The following GGT5 variants were observed in gnomAD, a reference collection of about 807,000 sequenced individuals.
GGT5 encodes glutathione hydrolase 5 proenzyme.
In GGT5, 50 loss-of-function variants were observed where a neutral mutation model predicts 58.1. That is an observed-to-expected ratio of 0.86 (90% CI 0.69 to 1.09). The LOEUF is 1.09. GGT5 is among the 50% of genes least tolerant of loss of function. The pLI is 0.00. For synonymous variants in GGT5, 370 were observed against 346.1 expected (o/e 1.07, Z -0.77); for missense variants, 800 against 789.4 (o/e 1.01, Z -0.16).
intron 11 of GGT5, among the ~76,000 whole-genome samples, chr22:24,222,343 C>T (rs767186495): frequency 6.6e-6 from 1 of 152,134 alleles, no homozygotes; most frequent in Non-Finnish European, 1.5e-5. Context: ...GAGCCCTGCA[C>T]GTTTGGCTAT....
At position 24,226,678 on chromosome 22, in the gene GGT5, C is replaced by T. The variant is rs1229676758; in HGVS notation, c.991G>A (p.Gly331Arg). The T allele has an allele frequency of 6.2e-7, 1 of 1,614,122 alleles. No homozygotes were observed. The highest frequency in any genetic ancestry group is 8.5e-7 in the Non-Finnish European group (1 of 1,179,964). Residue 331 changes from glycine to arginine, a missense_variant, in exon 7 of 12, where the codon GGG (glycine) becomes AGG (arginine). Transcript: ENST00000327365. Reference sequence around the variant, plus strand: ...GGGTCCCCCAGCCTCCACCTCTGCCCCTTGGCAAACTTGAGCGTCTCTACA... The same window carrying T: ...GGGTCCCCCAGCCTCCACCTCTGCCTCTTGGCAAACTTGAGCGTCTCTACA... ...HLVETLKFAK[G>R]QRWRLGDPRS... is the part of the protein sequence containing the mutation.
chr22:24,244,141 C>T (rs1228152531), intron 1 of GGT5: 3 of 176,944 alleles, frequency 1.7e-5, no homozygotes, highest in Non-Finnish European at 2.4e-5. Context: ...CGTGGACTCA[C>T]ACACCACCAT....
In GGT5 at chr22:24,244,607, G is replaced by T. The variant is rs2048422673; in HGVS notation, c.119C>A (p.Ala40Asp). The change falls in exon 1 of 12, where the codon GCC (alanine) becomes GAC (aspartate). Residue 40 changes from alanine (A) to aspartate (D), a missense_variant. By Grantham distance (126) the Ala-to-Asp change is moderately radical. Transcript: ENST00000327365. ...GGCGGCAACAGCAGCGTGGGCAAAG[G>T]CCTGGGGGCCACATGGGGCCTGGTG... Reference protein sequence around the residue: ...SRHQAPCGPQAFAHAAVAADS... With the variant: ...SRHQAPCGPQDFAHAAVAADS... The T allele has an allele frequency of 2.5e-6, 4 of 1,612,738 alleles. No individual in the cohort carries two copies. Among genetic ancestry groups the T allele is most frequent in the Non-Finnish European group, 3.4e-6 (4 of 1,179,888 alleles).
In GGT5 at chr22:24,225,197, G is replaced by A; in HGVS notation, c.1503+48C>T. On this transcript the variant is annotated intron_variant, in intron 10 of 11. Coordinates refer to ENST00000327365, the MANE Select transcript of GGT5 (RefSeq NM_004121.5). ...TCCCCACTCCAGAGACAGTCAGACA[G>A]TATGCTGCCCAGAGAGGAGACACTC... 4 of 1,598,146 alleles carry A rather than the reference G, an allele frequency of 2.5e-6. No homozygotes were observed. The South Asian group carries it at 4.4e-5, about 18-fold the overall frequency.
At chr22:24,232,021 G>A in intron 5 of GGT5, 30 bp downstream of exon 5, 2 of 1,594,192 alleles carry the variant, frequency 1.3e-6, no homozygotes, top group Non-Finnish European at 1.7e-6. Flanking sequence ...CTCCAGCAGG[G>A]ATGGGGTATG....
chr22:24,220,772 C>A, intron 11 of GGT5: 1 of 431,738 alleles, frequency 2.3e-6, no homozygotes, highest in South Asian at 1.6e-5. Flanking sequence ...TGGCTCACAC[C>A]TGTAATCCCA....
chr22:24,223,059 C>T (rs1183272774), intron 11 of GGT5, among the ~76,000 whole-genome samples: 1 of 150,440 alleles, frequency 6.6e-6, no homozygotes, highest in Non-Finnish European at 1.5e-5. Context: ...CACTGCACGC[C>T]AGCCTGGGCA....
chr22:24,233,622 C>T (rs752800716), intron 2 of GGT5, 29 bp from the exon 3 acceptor site: 24 of 1,379,534 alleles, frequency 1.7e-5, no homozygotes, highest in African/African-American at 7.1e-5. Context: ...GGTGAGTGGT[C>T]ATGGACCCTG....
intron 11 of GGT5, 69 bp downstream of exon 11, chr22:24,224,927 T>A (rs2047703138): frequency 1.0e-6 from 1 of 977,356 alleles, no homozygotes; most frequent in African/African-American, 1.6e-5. Context: ...TCCTCCCAGG[T>A]GGCTTTGAGC....
At position 24,244,939 on chromosome 22, in the gene GGT5, T is replaced by C; in HGVS notation, c.-214A>G. 1.2e-6 allele frequency: 1 copy of C among 809,404 alleles called. No homozygotes were observed. The highest frequency in any genetic ancestry group is 1.9e-6 in the Non-Finnish European group (1 of 533,336). The allele number at this position is 809,404 out of a possible 1,614,324, so 50.1% of individuals were successfully genotyped here. A position where few individuals can be genotyped will look rare whatever the true frequency, so the allele number is the denominator to read the frequency against. ...AAGAGAAAGATGGTCAGATAGACAA[T>C]GGGACAGAGATGGGCTTACAGATGG... On this transcript the variant is annotated 5_prime_UTR_variant, in exon 1 of 12. Coordinates refer to ENST00000327365, the MANE Select transcript of GGT5 (RefSeq NM_004121.5).
At chr22:24,239,090 A>C (rs866619977) in intron 1 of GGT5, among the ~76,000 whole-genome samples, 1 of 147,406 alleles carries the variant, frequency 6.8e-6, no homozygotes. Flanking sequence ...CTGTAATCCC[A>C]GCACTTTGGG....
chr22:24,238,827 ATATATT>A (rs1248479847), intron 1 of GGT5, among the ~76,000 whole-genome samples: 18 of 11,074 alleles, frequency 1.6e-3, no homozygotes, highest in South Asian at 2.6e-3. Flanking sequence ...ATATATATAT[ATATATT>A]TATATATATA....
intron 11 of GGT5, among the ~76,000 whole-genome samples, chr22:24,221,593 A>G: frequency 6.6e-6 from 1 of 152,134 alleles, no homozygotes. Context: ...GCTCACTGCA[A>G]CTTCCCCTCC....
rs748061684 is a variant in GGT5 at position 24,244,686 on chromosome 22, G to A, written c.40C>T (p.Leu14=). The change falls in exon 1 of 12, where the codon CTG becomes TTG. Residue 14 remains leucine (L), a synonymous_variant. Transcript: ENST00000327365. ...GYGATVSLVL[L]GLGLALAVIV... Reference sequence around the variant, plus strand: ...ACAGCCAGCGCCAGCCCCAGACCCAGCAGGACTAGGCTGACCGTGGCCCCG... The same window carrying A: ...ACAGCCAGCGCCAGCCCCAGACCCAACAGGACTAGGCTGACCGTGGCCCCG... 6.2e-7 allele frequency: 1 copy of A among 1,612,698 alleles called. No individual in the cohort carries two copies. The highest frequency in any genetic ancestry group is 8.5e-7 in the Non-Finnish European group (1 of 1,179,924).
rs141527417 is a variant in GGT5 at position 24,222,597 on chromosome 22, A to G, written c.1614+2399T>C. On this transcript the variant is annotated intron_variant, in intron 11 of 11. Transcript: ENST00000327365. ...AGAGTTTAGGATTTACTCCATGGAA[A>G]GCCCTAGACCTGAATAGCTGACATT... is the stretch of plus-strand genomic sequence containing the variant. 2.1e-3 allele frequency among the ~76,000 whole-genome samples: 323 copies of G among 152,288 alleles called. 2 individuals are homozygous for G. Among genetic ancestry groups the G allele is most frequent in the African/African-American group, 7.5e-3 (310 of 41,556 alleles).
At chr22:24,230,641 T>C (rs1031453007) in intron 6 of GGT5, among the ~76,000 whole-genome samples, 4 of 152,094 alleles carry the variant, frequency 2.6e-5, no homozygotes, top group African/African-American at 9.7e-5. Flanking sequence ...ACAAAAAAGT[T>C]ATATAATCTT....
At chr22:24,223,493 G>C (rs999164557) in intron 11 of GGT5, among the ~76,000 whole-genome samples, 1 of 152,164 alleles carries the variant, frequency 6.6e-6, no homozygotes, top group Non-Finnish European at 1.5e-5. Flanking sequence ...CCTGGAACCC[G>C]AGAGCCCTGA....
chr22:24,233,419 C>A, intron 3 of GGT5, 79 bp downstream of exon 3: 1 of 782,028 alleles, frequency 1.3e-6, no homozygotes, highest in South Asian at 1.7e-5. Context: ...GTCCGTGAGG[C>A]GCTGCTCCTT....
rs537281382 is a variant in GGT5 at position 24,233,994 on chromosome 22, G to A, written c.184C>T (p.Gln62Ter). The A allele has an allele frequency of 3.7e-5, 59 of 1,609,986 alleles. No homozygotes were observed. Among genetic ancestry groups the A allele is most frequent in the Non-Finnish European group, 4.6e-5 (54 of 1,178,538 alleles). ...GCATCCACGGGTGAGCCCTGCTGCTGGAGGATGGCTCTAGGGGACATGGCA... is the reference window on the plus strand; with the variant it reads ...GCATCCACGGGTGAGCCCTGCTGCTAGAGGATGGCTCTAGGGGACATGGCA... ...VCSDIGRAIL[Q>*]QQGSPVDATI... Residue 62 changes from glutamine to a stop codon, truncating the protein, a stop_gained, in exon 2 of 12, where the codon CAG becomes TAG. Transcript: ENST00000327365. LOFTEE classifies it high-confidence loss of function.
Sources: gnomAD v4.1 joint callset for allele counts (sites outside exome capture counted in the v4.1 genomes callset) on GRCh38, gnomAD v4.1.1 for gene constraint, MANE v1.5 for transcripts, NCBI Gene and HGNC (gene_info 2026-07-23, HGNC 2026-07-21) for gene names.